The following CAMK1D variants were observed in gnomAD, a reference collection of about 807,000 sequenced individuals.
CAMK1D encodes the protein calcium/calmodulin dependent protein kinase ID, also known as calcium/calmodulin-dependent protein kinase type 1D.
A neutral mutation model predicts 47.7 loss-of-function variants in CAMK1D; 9 were observed. The ratio of observed to expected loss-of-function variants is 0.19; its 90% confidence interval spans 0.11 to 0.33. The LOEUF (loss-of-function observed/expected upper bound fraction) is 0.33. CAMK1D is among the 10% of genes least tolerant of loss of function. The probability of loss-of-function intolerance (pLI) is 1.00; values close to 1 mark genes in which losing one functional copy is unlikely to be tolerated. For synonymous variants in CAMK1D, 184 were observed against 184.9 expected, an observed-to-expected ratio of 0.99 and a Z score of 0.04; for missense variants, 291 against 488.7, an observed-to-expected ratio of 0.60 and a Z score of 3.81.
chr10:12,367,943 A>C (rs562948096), intron 1 of CAMK1D, among the ~76,000 whole-genome samples: 1 of 152,302 alleles, frequency 6.6e-6, no homozygotes, highest in South Asian at 2.1e-4. Context: ...CTGTAATCCC[A>C]GCACTTTGGG....
At chr10:12,642,065 A>AAAC in intron 2 of CAMK1D, among the ~76,000 whole-genome samples, 1 of 151,930 alleles carries the variant, frequency 6.6e-6, no homozygotes, top group African/African-American at 2.4e-5. Context: ...AAAAAAAAGA[A>AAAC]AGAAAAGGCC....
intron 2 of CAMK1D, among the ~76,000 whole-genome samples, chr10:12,658,747 A>G (rs1433442062): frequency 6.6e-6 from 1 of 152,142 alleles, no homozygotes; most frequent in Non-Finnish European, 1.5e-5. Flanking sequence ...AGGAGAGCCC[A>G]GCCGCTGGGC....
intron 3 of CAMK1D, among the ~76,000 whole-genome samples, chr10:12,699,984 C>T (rs538553819): frequency 1.3e-5 from 2 of 150,510 alleles, no homozygotes; most frequent in Admixed American, 1.3e-4. Flanking sequence ...AGCTAGTACA[C>T]ATTTATTTTG....
At chr10:12,691,836 C>T (rs1046205852) in intron 3 of CAMK1D, among the ~76,000 whole-genome samples, 2 of 152,092 alleles carry the variant, frequency 1.3e-5, no homozygotes, top group Non-Finnish European at 2.9e-5. Flanking sequence ...CTTGAATAAC[C>T]AATCAACACT....
At chr10:12,572,063 G>C (rs1341957846) in intron 2 of CAMK1D, among the ~76,000 whole-genome samples, 1 of 142,656 alleles carries the variant, frequency 7.0e-6, no homozygotes, top group Non-Finnish European at 1.5e-5. Flanking sequence ...AAAAAGTTCT[G>C]ATAGAATACA....
At chr10:12,560,802 C>T (rs1008643513) in intron 2 of CAMK1D, among the ~76,000 whole-genome samples, 4 of 152,030 alleles carry the variant, frequency 2.6e-5, no homozygotes, top group African/African-American at 7.2e-5. Context: ...TGAAAAGTAA[C>T]GGTTGAAAGC....
At chr10:12,655,826 G>C (rs1840101690) in intron 2 of CAMK1D, among the ~76,000 whole-genome samples, 2 of 152,298 alleles carry the variant, frequency 1.3e-5, no homozygotes, top group Non-Finnish European at 2.9e-5. Flanking sequence ...ACAACTTCAT[G>C]TCTCAAGAAA....
At chr10:12,630,085 C>T (rs536513817) in intron 2 of CAMK1D, among the ~76,000 whole-genome samples, 8 of 152,288 alleles carry the variant, frequency 5.3e-5, no homozygotes, top group South Asian at 2.1e-4. Context: ...TGTGATTGGA[C>T]GAGATGGCCT....
chr10:12,411,427 G>C (rs1348476316), intron 1 of CAMK1D, among the ~76,000 whole-genome samples: 3 of 152,186 alleles, frequency 2.0e-5, no homozygotes, highest in African/African-American at 7.2e-5. Context: ...GTTTGGGTCA[G>C]GCGGCTCCCA....
chr10:12,730,248 C>T (rs938341346), intron 3 of CAMK1D, among the ~76,000 whole-genome samples: 1 of 152,040 alleles, frequency 6.6e-6, no homozygotes, highest in Non-Finnish European at 1.5e-5. Context: ...CATTAGCATT[C>T]CCTGGTAGGT....
intron 1 of CAMK1D, among the ~76,000 whole-genome samples, chr10:12,366,748 C>T (rs577566873): frequency 6.6e-6 from 1 of 151,866 alleles, no homozygotes; most frequent in South Asian, 2.1e-4. Context: ...GGGAGAGACC[C>T]CAGAGATTAG....
At chr10:12,760,265 C>T (rs1290909704) in intron 3 of CAMK1D, among the ~76,000 whole-genome samples, 1 of 152,130 alleles carries the variant, frequency 6.6e-6, no homozygotes, top group African/African-American at 2.4e-5. Context: ...ATCTGAAATG[C>T]AAAGCTAATA....
intron 8 of CAMK1D, 55 bp downstream of exon 8, chr10:12,816,383 G>T (rs1447083772): frequency 3.6e-6 from 5 of 1,384,850 alleles, no homozygotes; most frequent in Non-Finnish European, 5.1e-6. Context: ...TCTGGGGGGG[G>T]CACGAAACTT....
Position 12,569,504 on chromosome 10 carries a change from A to G in CAMK1D, c.224+16148A>G, listed in dbSNP as rs573823965. Among the ~76,000 whole-genome samples the G allele has an allele frequency of 1.2e-4, 18 of 148,050 alleles. 1 individual carries two copies. In the South Asian group the frequency reaches 2.6e-3, roughly 21 times the overall value. ...GGCAGGCAGATCACGAGGTCAGGAG[A>G]TTGAGACCATCCTGGCTAAGACGGT... On this transcript the variant is annotated intron_variant, in intron 2 of 10. Coordinates refer to ENST00000619168, the MANE Select transcript of CAMK1D (RefSeq NM_153498.4).
chr10:12,650,966 T>G (rs1429713433), intron 2 of CAMK1D, among the ~76,000 whole-genome samples: 1 of 152,178 alleles, frequency 6.6e-6, no homozygotes, highest in Non-Finnish European at 1.5e-5. Flanking sequence ...TCGAGTTCGC[T>G]TCCCCTAAGG....
chr10:12,427,283 C>G (rs1840266520), intron 1 of CAMK1D, among the ~76,000 whole-genome samples: 2 of 152,194 alleles, frequency 1.3e-5, no homozygotes, highest in African/African-American at 4.8e-5. Context: ...CAGTTCACCC[C>G]TAGGCAAAAG....
At chr10:12,689,350 T>G (rs1832782466) in intron 3 of CAMK1D, among the ~76,000 whole-genome samples, 1 of 152,236 alleles carries the variant, frequency 6.6e-6, no homozygotes. Context: ...CGCCTGTTAG[T>G]AGTTTGACCA....
intron 3 of CAMK1D, among the ~76,000 whole-genome samples, chr10:12,751,120 A>G (rs539666554): frequency 2.9e-5 from 3 of 104,658 alleles, no homozygotes; most frequent in African/African-American, 1.1e-4. Flanking sequence ...AGATAAGATA[A>G]GATAAGAAGG....
chr10:12,417,717 C>A (rs1312850707), intron 1 of CAMK1D, among the ~76,000 whole-genome samples: 1 of 152,092 alleles, frequency 6.6e-6, no homozygotes, highest in African/African-American at 2.4e-5. Flanking sequence ...ACACGGAGGT[C>A]CTGCGATGGA....
Sources: allele counts gnomAD v4.1 joint callset (sites outside exome capture counted in the v4.1 genomes callset), GRCh38; gene constraint gnomAD v4.1.1; transcripts MANE v1.5; gene names NCBI Gene and HGNC (gene_info 2026-07-23, HGNC 2026-07-21).